CSGALNACT1: variants seen among roughly 807,000 people sequenced by gnomAD.
The protein encoded by CSGALNACT1 is beta4GalNAcT-1.
Under a neutral mutation model 51.0 loss-of-function variants are expected in CSGALNACT1, and 52 were observed. That is an observed-to-expected ratio of 1.02 (90% CI 0.82 to 1.29). CSGALNACT1 has a LOEUF of 1.29. Among genes scored for constraint, CSGALNACT1 ranks in the 50% most tolerant of loss-of-function variants. The pLI is 0.00. For missense variants in CSGALNACT1, 935 were observed against 679.2 expected (o/e 1.38, Z -4.19); for synonymous variants, 341 against 254.4 (o/e 1.34, Z -3.24).
At chr8:19,617,041 C>T (rs1001617748) in intron 1 of CSGALNACT1, among the ~76,000 whole-genome samples, 4 of 152,072 alleles carry the variant, frequency 2.6e-5, no homozygotes, top group African/African-American at 9.7e-5. Flanking sequence ...TATTGGGAGC[C>T]CTGAGCTTGT....
At chr8:19,652,478 ACTGT>A (rs2154184932) in intron 1 of CSGALNACT1, among the ~76,000 whole-genome samples, 1 of 152,252 alleles carries the variant, frequency 6.6e-6, no homozygotes, top group East Asian at 1.9e-4. Context: ...CACTAGATGA[ACTGT>A]CTGTCTTCCC....
At chr8:19,525,663 T>TAAGCCTTGTGCACAA (rs2081535218) in intron 3 of CSGALNACT1, among the ~76,000 whole-genome samples, 1 of 91,132 alleles carries the variant, frequency 1.1e-5, no homozygotes, top group Non-Finnish European at 2.1e-5. Context: ...GAGCCCACCA[T>TAAGCCTTGTGCACAA]AAGCCTTGTG....
intron 1 of CSGALNACT1, among the ~76,000 whole-genome samples, chr8:19,748,177 A>G (rs1052257508): frequency 3.3e-5 from 5 of 152,228 alleles, no homozygotes; most frequent in Non-Finnish European, 7.3e-5. Flanking sequence ...TAAAGAGCAG[A>G]TGGTAAATAA....
intron 3 of CSGALNACT1, among the ~76,000 whole-genome samples, chr8:19,585,721 A>T (rs2046480025): frequency 6.6e-6 from 1 of 152,180 alleles, no homozygotes; most frequent in African/African-American, 2.4e-5. Flanking sequence ...CATGAGGTGT[A>T]AAATGAGAAG....
At position 19,628,740 on chromosome 8, in the gene CSGALNACT1, C is replaced by T. The variant is rs546467704; in HGVS notation, c.-543-26875G>A. 7.6e-4 allele frequency among the ~76,000 whole-genome samples: 116 copies of T among 151,974 alleles called. 1 individual carries two copies. Among genetic ancestry groups the T allele is most frequent in the Middle Eastern group, 3.4e-3 (1 of 294 alleles). On this transcript the variant is annotated intron_variant, in intron 1 of 9. Transcript: ENST00000332246. Reference sequence around the variant, plus strand: ...AAGCAATCTCTTCGCTTCAGTCTCCCAAAGTGCTGGGATTACATGCATGAC... The same window carrying T: ...AAGCAATCTCTTCGCTTCAGTCTCCTAAAGTGCTGGGATTACATGCATGAC...
At chr8:19,508,298 G>A (rs1236459511) in intron 3 of CSGALNACT1, among the ~76,000 whole-genome samples, 2 of 152,144 alleles carry the variant, frequency 1.3e-5, no homozygotes, top group African/African-American at 2.4e-5. Flanking sequence ...CAGGAGATGT[G>A]CCTTTTAGTG....
At chr8:19,635,559 C>G (rs939149775) in intron 1 of CSGALNACT1, among the ~76,000 whole-genome samples, 2 of 152,160 alleles carry the variant, frequency 1.3e-5, no homozygotes, top group Non-Finnish European at 2.9e-5. Flanking sequence ...TGTCTGTAGT[C>G]TCACCAGATA....
chr8:19,697,635 A>C (rs2061651306), intron 1 of CSGALNACT1, among the ~76,000 whole-genome samples: 3 of 152,188 alleles, frequency 2.0e-5, no homozygotes, highest in Admixed American at 1.3e-4. Context: ...CCCCTGTACA[A>C]GGTACCCAGC....
intron 4 of CSGALNACT1, among the ~76,000 whole-genome samples, chr8:19,469,296 C>T (rs2067510613): frequency 6.6e-6 from 1 of 152,146 alleles, no homozygotes; most frequent in South Asian, 2.1e-4. Context: ...GCGGTGCAGG[C>T]ATGAGGATCC....
rs546443106 is a variant in CSGALNACT1, at chr8:19,701,990, G to C, written c.-297+55860C>G. Among the ~76,000 whole-genome samples the C allele has an allele frequency of 2.0e-5, 3 of 152,288 alleles. No homozygotes were observed. In the East Asian group the frequency reaches 5.8e-4, roughly 29 times the overall value. On this transcript the variant is annotated intron_variant, in intron 1 of 1. Coordinates refer to the CSGALNACT1 transcript ENST00000517494. ...ATCCCCAAATTGCTCCTTTATTTGA[G>C]AATTATTTCCTTTAGGAACTGAGAT...
At chr8:19,502,560 G>T (rs571567796) in intron 4 of CSGALNACT1, among the ~76,000 whole-genome samples, 2 of 152,060 alleles carry the variant, frequency 1.3e-5, no homozygotes, top group African/African-American at 4.8e-5. Context: ...TTTCTTCTCC[G>T]TTTGGAACTC....
chr8:19,420,752 G>A (rs2057794740), intron 6 of CSGALNACT1, among the ~76,000 whole-genome samples: 2 of 152,104 alleles, frequency 1.3e-5, no homozygotes, highest in Admixed American at 1.3e-4. Flanking sequence ...TTGTTTCTCT[G>A]GCAGTTTCCC....
chr8:19,495,422 C>T (rs1265431707), intron 4 of CSGALNACT1, among the ~76,000 whole-genome samples: 6 of 152,324 alleles, frequency 3.9e-5, no homozygotes, highest in African/African-American at 1.4e-4. Context: ...CATCGTATGC[C>T]TGCAGTATGG....
rs747014530 is a variant in CSGALNACT1 at position 19,741,556 on chromosome 8, C to A, written c.-297+16294G>T. Reference sequence around the variant, plus strand: ...CCAGCCTGGGCGAAAGAGTGAGACTCCATCAAAAAAAAAAAAAAAAAAAGG... The same window carrying A: ...CCAGCCTGGGCGAAAGAGTGAGACTACATCAAAAAAAAAAAAAAAAAAAGG... On this transcript the variant is annotated intron_variant, in intron 1 of 1. Transcript: ENST00000517494. 5.7e-4 allele frequency among the ~76,000 whole-genome samples: 43 copies of A among 75,514 alleles called. 1 individual carries two copies. Among genetic ancestry groups the A allele is most frequent in the Admixed American group, 4.7e-3 (30 of 6,396 alleles). The allele number at this position is 75,514 out of a possible 152,430, so 49.5% of individuals were successfully genotyped here. A position where few individuals can be genotyped will look rare whatever the true frequency, so the allele number is the denominator to read the frequency against.
intron 4 of CSGALNACT1, among the ~76,000 whole-genome samples, chr8:19,461,595 C>A (rs1282240204): frequency 7.2e-6 from 1 of 138,138 alleles, no homozygotes; most frequent in Non-Finnish European, 1.6e-5. Context: ...GGGGGCGTAT[C>A]CGCACAGCGG....
chr8:19,720,822 G>A (rs182066043), intron 1 of CSGALNACT1, among the ~76,000 whole-genome samples: 207 of 152,294 alleles, frequency 1.4e-3, no homozygotes, highest in African/African-American at 4.8e-3. Context: ...GAGGGTTTTG[G>A]TTGCATGTTT....
chr8:19,430,497 C>G (rs1041780174), intron 6 of CSGALNACT1, among the ~76,000 whole-genome samples: 13 of 152,128 alleles, frequency 8.5e-5, no homozygotes, highest in African/African-American at 2.9e-4. Flanking sequence ...GATCTGGTAC[C>G]CTTGTTAAAA....
At chr8:19,603,812 A>G (rs1323984110), upstream of CSGALNACT1, among the ~76,000 whole-genome samples, 1 of 152,220 alleles carries the variant, frequency 6.6e-6, no homozygotes, top group Non-Finnish European at 1.5e-5. Flanking sequence ...TACATAATCC[A>G]AAACCACACT....
chr8:19,406,086 C>A lies in CSGALNACT1; in HGVS notation c.1310-17G>T. ...CAAACCCACCTGTCGGGACAGAACA[C>A]ACTGTTGAATCACACTGCACTGATC... On this transcript the variant is annotated splice_polypyrimidine_tract_variant and intron_variant, in intron 9 of 9. Coordinates refer to ENST00000454498, the Ensembl canonical transcript of CSGALNACT1. 6.2e-7 allele frequency: 1 copy of A among 1,613,948 alleles called. No individual in the cohort carries two copies. Among genetic ancestry groups the A allele is most frequent in the Non-Finnish European group, 8.5e-7 (1 of 1,179,992 alleles).
Sources: allele counts gnomAD v4.1 joint callset (sites outside exome capture counted in the v4.1 genomes callset), GRCh38; gene constraint gnomAD v4.1.1; transcripts MANE v1.5; gene names NCBI Gene and HGNC (gene_info 2026-07-23, HGNC 2026-07-21).